Variants in NTNG1 observed in about 807,000 individuals in gnomAD.
NTNG1 encodes the protein netrin G1.
NTNG1 carries 16 observed loss-of-function variants against 54.0 expected under a neutral mutation model. The ratio of observed to expected loss-of-function variants is 0.30; its 90% CI spans 0.20 to 0.45. The LOEUF is 0.45. NTNG1 is among the 20% of genes least tolerant of loss of function. The pLI is 1.00. For missense variants in NTNG1, 530 were observed against 678.7 expected (o/e 0.78, Z 2.43); for synonymous variants, 255 against 263.1 (o/e 0.97, Z 0.30).
intron 3 of NTNG1, among the ~76,000 whole-genome samples, chr1:107,344,189 G>A (rs978285000): frequency 2.5e-4 from 38 of 152,034 alleles, no homozygotes; most frequent in African/African-American, 8.4e-4. Flanking sequence ...TACCATAGAG[G>A]CATATTTATT....
intron 2 of NTNG1, among the ~76,000 whole-genome samples, chr1:107,313,610 C>T (rs991131333): frequency 4.1e-4 from 63 of 151,980 alleles, no homozygotes; most frequent in Admixed American, 1.2e-3. Context: ...ACCACGGGTG[C>T]ACATTGATTT....
intron 3 of NTNG1, among the ~76,000 whole-genome samples, chr1:107,381,860 G>T (rs192884043): frequency 6.6e-6 from 1 of 152,110 alleles, no homozygotes; most frequent in East Asian, 1.9e-4. Flanking sequence ...ATTCTAAGCC[G>T]GGATTCTCCA....
intron 3 of NTNG1, among the ~76,000 whole-genome samples, chr1:107,388,177 A>G (rs1254396333): frequency 6.6e-6 from 1 of 152,196 alleles, no homozygotes; most frequent in Admixed American, 6.5e-5. Flanking sequence ...CACAGAATGA[A>G]TCAGACAGCC....
In NTNG1 at chr1:107,436,769, C is replaced by A. The variant is rs759861880; in HGVS notation, c.1360C>A (p.Pro454Thr). Residue 454 changes from proline (P) to threonine (T), a missense_variant, in exon 7 of 8, where the codon CCG (proline) becomes ACG (threonine). Coordinates refer to ENST00000370068, the MANE Select transcript of NTNG1 (RefSeq NM_001113226.3). ...AGGGCCTAAGTGTGATGAGTGTCTG[C>A]CGGGAAATTCCTGGCACTACGGCTG... ...TTGPKCDECL[P>T]GNSWHYGCQP... 4 of 1,613,298 alleles carry A rather than the reference C, an allele frequency of 2.5e-6. No individual in the cohort carries two copies. The South Asian group carries it at 4.4e-5, about 18-fold the overall frequency.
intron 3 of NTNG1, among the ~76,000 whole-genome samples, chr1:107,388,750 T>C (rs1005406800): frequency 4.6e-5 from 7 of 152,188 alleles, no homozygotes; most frequent in Admixed American, 2.6e-4. Context: ...TCATCAACTC[T>C]AAGTTATGTT....
At chr1:107,336,747 G>A (rs889409348) in intron 3 of NTNG1, among the ~76,000 whole-genome samples, 5 of 151,906 alleles carry the variant, frequency 3.3e-5, no homozygotes, top group African/African-American at 9.7e-5. Context: ...CTTTTATCCA[G>A]AATGTATAAA....
At chr1:107,410,902 C>A in intron 5 of NTNG1, among the ~76,000 whole-genome samples, 1 of 152,204 alleles carries the variant, frequency 6.6e-6, no homozygotes, top group East Asian at 1.9e-4. Context: ...TGTGCAAATA[C>A]ATTTGTGTGG....
chr1:107,156,176 A>G (rs77129447), intron 2 of NTNG1, among the ~76,000 whole-genome samples: 2,588 of 152,318 alleles, frequency 0.017, 81 homozygotes, highest in African/African-American at 0.058. Flanking sequence ...CACATTTATC[A>G]TAAATCTAAT....
chr1:107,418,773 A>T, intron 5 of NTNG1: 1 of 606,620 alleles, frequency 1.6e-6, no homozygotes, highest in Non-Finnish European at 2.9e-6. Flanking sequence ...TCATAATTCA[A>T]TCTTTTTTTC....
chr1:107,187,937 G>A (rs886557127), intron 2 of NTNG1, among the ~76,000 whole-genome samples: 1 of 152,110 alleles, frequency 6.6e-6, no homozygotes, highest in Non-Finnish European at 1.5e-5. Flanking sequence ...TTACAGCTTT[G>A]GCTAGGAGGA....
intron 2 of NTNG1, among the ~76,000 whole-genome samples, chr1:107,270,744 G>C (rs1233032456): frequency 9.9e-6 from 1 of 101,206 alleles, no homozygotes; most frequent in Non-Finnish European, 1.9e-5. Flanking sequence ...CCAAAGTGCA[G>C]TGCTTGCTCC....
chr1:107,242,778 C>T (rs898876437), intron 2 of NTNG1, among the ~76,000 whole-genome samples: 7 of 152,182 alleles, frequency 4.6e-5, no homozygotes, highest in Non-Finnish European at 1.0e-4. Context: ...GGCTGGAGCT[C>T]ACTGAGCTGC....
At chr1:107,229,592 T>A (rs76893768) in intron 2 of NTNG1, among the ~76,000 whole-genome samples, 1,793 of 152,048 alleles carry the variant, frequency 0.012, 12 homozygotes, top group Non-Finnish European at 0.018. Flanking sequence ...GGAAAAATGC[T>A]TAGAGATGGA....
intron 5 of NTNG1, among the ~76,000 whole-genome samples, chr1:107,417,866 T>C (rs746141511): frequency 2.6e-5 from 4 of 152,100 alleles, no homozygotes; most frequent in Non-Finnish European, 4.4e-5. Flanking sequence ...AATACCAAGA[T>C]ATAAATAATA....
chr1:107,436,893 G>A lies in NTNG1; in HGVS notation c.1390+94G>A. 3.4e-6 allele frequency: 4 copies of A among 1,161,694 alleles called. No homozygotes were observed. In the East Asian group the frequency reaches 9.9e-5, roughly 29 times the overall value. 72.0% of individuals were successfully genotyped at this position (1,161,694 alleles called of 1,614,324 possible). On this transcript the variant is annotated intron_variant, in intron 7 of 7. Coordinates refer to ENST00000370068, the MANE Select transcript of NTNG1 (RefSeq NM_001113226.3). ...CGTGCAGCTTCTCAGAGCAGAAAAA[G>A]ATCCAAACCGCTGACAAGTTTTAAA...
chr1:107,331,291 A>T (rs1476045704), intron 3 of NTNG1, among the ~76,000 whole-genome samples: 1 of 152,074 alleles, frequency 6.6e-6, no homozygotes, highest in African/African-American at 2.4e-5. Flanking sequence ...AGCAACAATG[A>T]ATCAATACAT....
intron 7 of NTNG1, among the ~76,000 whole-genome samples, chr1:107,444,706 C>T (rs17531774): frequency 0.16 from 24,810 of 152,000 alleles, 2,095 homozygotes; most frequent in Middle Eastern, 0.24. Flanking sequence ...AATTTCACAC[C>T]GCAGAACCAC....
At chr1:107,301,746 C>G (rs1369692762) in intron 2 of NTNG1, among the ~76,000 whole-genome samples, 1 of 152,136 alleles carries the variant, frequency 6.6e-6, no homozygotes, top group Non-Finnish European at 1.5e-5. Context: ...ACAAGTTCAA[C>G]GTCATTTTAA....
intron 2 of NTNG1, among the ~76,000 whole-genome samples, chr1:107,288,003 A>G (rs1387423915): frequency 2.0e-5 from 3 of 152,192 alleles, no homozygotes; most frequent in East Asian, 3.9e-4. Flanking sequence ...CCTATCATTT[A>G]GGAAGATTAC....
Sources: gnomAD v4.1 joint callset for allele counts (sites outside exome capture counted in the v4.1 genomes callset) on GRCh38, gnomAD v4.1.1 for gene constraint, MANE v1.5 for transcripts, NCBI Gene and HGNC (gene_info 2026-07-23, HGNC 2026-07-21) for gene names.